WWOX: variants seen among roughly 807,000 people sequenced by gnomAD.
WWOX encodes the protein WW domain-containing oxidoreductase.
A neutral mutation model predicts 46.2 loss-of-function variants in WWOX; 69 were observed. That is an observed-to-expected ratio of 1.49 (90% CI 1.23 to 1.82). The LOEUF (loss-of-function observed/expected upper bound fraction) is 1.82. WWOX is among the 40% of genes most tolerant of loss of function. The pLI is 0.00. For synonymous variants in WWOX, 359 were observed against 202.6 expected (o/e 1.77, Z -6.56); for missense variants, 919 against 542.6 (o/e 1.69, Z -6.89).
At chr16:78,750,535 C>T (rs1243837142) in intron 8 of WWOX, among the ~76,000 whole-genome samples, 1 of 151,622 alleles carries the variant, frequency 6.6e-6, no homozygotes, top group Non-Finnish European at 1.5e-5. Flanking sequence ...AGGTCTGTTA[C>T]ATGGATATCT....
chr16:78,236,737 G>T (rs1889071872), intron 5 of WWOX, among the ~76,000 whole-genome samples: 2 of 152,094 alleles, frequency 1.3e-5, no homozygotes, highest in Non-Finnish European at 2.9e-5. Flanking sequence ...CACCAGAGAG[G>T]GTCATGGAAT....
intron 8 of WWOX, among the ~76,000 whole-genome samples, chr16:78,693,922 A>T (rs1352912700): frequency 6.6e-6 from 1 of 152,176 alleles, no homozygotes; most frequent in African/African-American, 2.4e-5. Context: ...ATTACAGAAA[A>T]AAAATCAAGA....
chr16:78,233,202 G>A (rs1178207148), intron 5 of WWOX, among the ~76,000 whole-genome samples: 1 of 152,106 alleles, frequency 6.6e-6, no homozygotes, highest in African/African-American at 2.4e-5. Flanking sequence ...GATTACTGAC[G>A]ATCAACATGC....
At chr16:78,963,031 A>G (rs1051523892) in intron 8 of WWOX, among the ~76,000 whole-genome samples, 1 of 152,192 alleles carries the variant, frequency 6.6e-6, no homozygotes. Context: ...AAAATTGCAG[A>G]CGTACACAAA....
At chr16:78,195,226 C>G (rs1461697494) in intron 5 of WWOX, among the ~76,000 whole-genome samples, 2 of 152,144 alleles carry the variant, frequency 1.3e-5, no homozygotes, top group African/African-American at 4.8e-5. Flanking sequence ...GCACTATGAC[C>G]TGTGTGAAGC....
At chr16:78,362,385 G>A (rs2151914430) in intron 5 of WWOX, among the ~76,000 whole-genome samples, 1 of 152,268 alleles carries the variant, frequency 6.6e-6, no homozygotes, top group Middle Eastern at 3.4e-3. Context: ...CAATGCGGGT[G>A]GATCACCTGA....
At chr16:78,698,257 G>C (rs2048141633) in intron 8 of WWOX, among the ~76,000 whole-genome samples, 1 of 152,140 alleles carries the variant, frequency 6.6e-6, no homozygotes, top group Non-Finnish European at 1.5e-5. Context: ...ACTCAGATGA[G>C]GTTCTTGAGT....
intron 5 of WWOX, among the ~76,000 whole-genome samples, chr16:78,213,320 T>G (rs181698157): frequency 6.6e-6 from 1 of 150,600 alleles, no homozygotes; most frequent in East Asian, 2.0e-4. Context: ...TACATGTGCC[T>G]CTGTTCTTTC....
chr16:78,397,841 A>G (rs746964443), intron 6 of WWOX, among the ~76,000 whole-genome samples: 26 of 152,196 alleles, frequency 1.7e-4, no homozygotes, highest in Non-Finnish European at 3.1e-4. Context: ...CCAATTTTCT[A>G]TCACCAAAGG....
intron 4 of WWOX, among the ~76,000 whole-genome samples, chr16:78,160,196 T>C (rs2034746261): frequency 6.6e-6 from 1 of 152,152 alleles, no homozygotes; most frequent in Non-Finnish European, 1.5e-5. Flanking sequence ...TCTTTCTTTT[T>C]TTTTGGAGCA....
At chr16:78,923,153 G>A (rs1181578560) in intron 8 of WWOX, among the ~76,000 whole-genome samples, 1 of 151,776 alleles carries the variant, frequency 6.6e-6, no homozygotes, top group African/African-American at 2.4e-5. Flanking sequence ...GGCTAATTTT[G>A]TATTTTTAGT....
intron 8 of WWOX, among the ~76,000 whole-genome samples, chr16:78,685,896 AAAAAC>A (rs1021786819): frequency 3.3e-5 from 4 of 119,736 alleles, no homozygotes; most frequent in African/African-American, 5.0e-5. Context: ...AGAGAGGAAA[AAAAAC>A]AAAAAAGAAA....
chr16:78,248,205 G>A (rs1373872446), intron 5 of WWOX, among the ~76,000 whole-genome samples: 1 of 152,116 alleles, frequency 6.6e-6, no homozygotes, highest in Non-Finnish European at 1.5e-5. Context: ...TTGGCTTCTG[G>A]GGAGGCCTCA....
intron 5 of WWOX, among the ~76,000 whole-genome samples, chr16:78,232,661 A>G (rs2037304861): frequency 6.6e-6 from 1 of 152,228 alleles, no homozygotes; most frequent in Non-Finnish European, 1.5e-5. Context: ...GGGAGAAATA[A>G]AATGGATAGT....
Position 78,825,854 on chromosome 16 carries a change from C to A in WWOX, c.1057-385754C>A, listed in dbSNP as rs936528701. On this transcript the variant is annotated intron_variant, in intron 8 of 8. Transcript: ENST00000566780. ...GGTGAAGGTCATGCTGCCCTGGGAC[C>A]CCGCTGGTAAGACTGGCCCTAAGAA... The A allele has an allele frequency of 5.7e-5, 36 of 635,546 alleles. 1 individual carries two copies. The highest frequency in any genetic ancestry group is 8.6e-5 in the Non-Finnish European group (30 of 348,068). 39.4% of individuals were successfully genotyped at this position (635,546 alleles called of 1,614,324 possible). A position where few individuals can be genotyped will look rare whatever the true frequency, so the allele number is the denominator to read the frequency against.
At chr16:78,129,171 T>G (rs1243321538) in intron 4 of WWOX, among the ~76,000 whole-genome samples, 2 of 152,258 alleles carry the variant, frequency 1.3e-5, no homozygotes, top group East Asian at 3.9e-4. Flanking sequence ...ACTTGCCCAG[T>G]GTTTCTTTTT....
intron 8 of WWOX, among the ~76,000 whole-genome samples, chr16:78,915,223 G>A (rs964268612): frequency 1.3e-5 from 2 of 152,082 alleles, no homozygotes; most frequent in South Asian, 2.1e-4. Flanking sequence ...ATTCATTTGG[G>A]TTGTACCGAT....
intron 8 of WWOX, among the ~76,000 whole-genome samples, chr16:79,124,096 T>G (rs75596527): frequency 0.012 from 1,825 of 152,278 alleles, 42 homozygotes; most frequent in African/African-American, 0.042. Context: ...AAAGCCCTCC[T>G]GATTAACTAT....
At chr16:78,691,151 C>T (rs1597450962) in intron 8 of WWOX, 1 of 672,278 alleles carries the variant, frequency 1.5e-6, no homozygotes, top group East Asian at 2.7e-5. Flanking sequence ...AGCAAAAGCA[C>T]AGTATTTCCC....
Sources: gnomAD v4.1 joint callset for allele counts (sites outside exome capture counted in the v4.1 genomes callset) on GRCh38, gnomAD v4.1.1 for gene constraint, MANE v1.5 for transcripts, NCBI Gene and HGNC (gene_info 2026-07-23, HGNC 2026-07-21) for gene names.